The following ACTG2 variants were observed in gnomAD, a reference collection of about 807,000 sequenced individuals.
ACTG2 encodes actin gamma 2, smooth muscle.
Under a neutral mutation model 37.6 loss-of-function variants are expected in ACTG2, and 16 were observed. That is an observed-to-expected ratio of 0.43 (90% CI 0.29 to 0.65). The LOEUF is 0.65. ACTG2 is among the 30% of genes least tolerant of loss of function. The probability of loss-of-function intolerance (pLI) is 0.18; values close to 1 mark genes in which losing one functional copy is unlikely to be tolerated. For synonymous variants in ACTG2, 181 were observed against 179.9 expected (o/e 1.01, Z -0.05); for missense variants, 238 against 490.9 (o/e 0.48, Z 4.87).
intron 3 of ACTG2, 79 bp from the exon 4 acceptor site, chr2:73,908,594 C>G (rs991938718): frequency 8.2e-7 from 1 of 1,226,794 alleles, no homozygotes. Flanking sequence ...GTGCCACACT[C>G]TCCCAGCATG....
At chr2:73,908,243 A>G in intron 3 of ACTG2, 1 of 470,174 alleles carries the variant, frequency 2.1e-6, no homozygotes, top group Non-Finnish European at 4.4e-6. Flanking sequence ...GGGCCACGCC[A>G]TTGTCAGGAG....
intron 3 of ACTG2, among the ~76,000 whole-genome samples, chr2:73,907,378 C>G (rs1680038464): frequency 6.6e-6 from 1 of 152,190 alleles, no homozygotes; most frequent in South Asian, 2.1e-4. Flanking sequence ...GCCCCATGTC[C>G]CTGCTACACT....
rs202017875 is a variant in ACTG2, at chr2:73,901,260, T to C, written c.-36-16T>C. 415 of 1,495,802 alleles carry C rather than the reference T, an allele frequency of 2.8e-4. 3 individuals carry two copies. The South Asian group carries it at 3.1e-3, about 11-fold the overall frequency. 92.7% of individuals were successfully genotyped at this position (1,495,802 alleles called of 1,614,324 possible). A position where few individuals can be genotyped will look rare whatever the true frequency, so the allele number is the denominator to read the frequency against. On this transcript the variant is annotated splice_polypyrimidine_tract_variant and intron_variant, in intron 1 of 8. Coordinates refer to ENST00000345517, the MANE Select transcript of ACTG2 (RefSeq NM_001615.4). ...GACAAGTGGCTGACTAGTTCTCTTC[T>C]CCCGCAAATCCCAAGGTGCTCCAGT... is the stretch of plus-strand genomic sequence containing the variant.
At chr2:73,910,543 G>C (rs1228186482) in intron 5 of ACTG2, among the ~76,000 whole-genome samples, 2 of 140,670 alleles carry the variant, frequency 1.4e-5, no homozygotes, top group Admixed American at 1.5e-4. Context: ...CTGTCACCCA[G>C]GCTGGAGTGC....
intron 1 of ACTG2, among the ~76,000 whole-genome samples, chr2:73,895,702 A>G (rs1304424026): frequency 1.3e-5 from 2 of 152,256 alleles, no homozygotes; most frequent in Admixed American, 6.5e-5. Flanking sequence ...GATGTGTGAA[A>G]TGGATCATTC....
intron 1 of ACTG2, among the ~76,000 whole-genome samples, chr2:73,893,795 T>TC (rs906166396): frequency 6.6e-6 from 1 of 151,708 alleles, no homozygotes; most frequent in African/African-American, 2.4e-5. Flanking sequence ...ATGTCATTAC[T>TC]CCCCCCAACC....
intron 6 of ACTG2, among the ~76,000 whole-genome samples, chr2:73,914,381 A>T (rs1680207877): frequency 6.6e-6 from 1 of 152,072 alleles, no homozygotes; most frequent in African/African-American, 2.4e-5. Flanking sequence ...CAACATGGTG[A>T]AATCCTGTCT....
At chr2:73,916,268 C>T (rs1468044249) in intron 7 of ACTG2, among the ~76,000 whole-genome samples, 4 of 151,532 alleles carry the variant, frequency 2.6e-5, no homozygotes, top group African/African-American at 9.7e-5. Flanking sequence ...CCCAGCTACT[C>T]GGGAGGCTGA....
chr2:73,899,064 C>T (rs908608227), intron 1 of ACTG2, among the ~76,000 whole-genome samples: 11 of 152,094 alleles, frequency 7.2e-5, no homozygotes, highest in Non-Finnish European at 4.4e-5. Flanking sequence ...CCCACCTTGG[C>T]CTCCCAAAGT....
At chr2:73,910,661 G>C (rs1680113231) in intron 5 of ACTG2, among the ~76,000 whole-genome samples, 1 of 99,162 alleles carries the variant, frequency 1.0e-5, no homozygotes, top group Non-Finnish European at 2.4e-5. Flanking sequence ...ACCATGCCTG[G>C]CTTATTTTTG....
chr2:73,893,864 C>T (rs1018505588), intron 1 of ACTG2, among the ~76,000 whole-genome samples: 1 of 152,094 alleles, frequency 6.6e-6, no homozygotes, highest in African/African-American at 2.4e-5. Context: ...GATGAAGGGG[C>T]CACTTCTATG....
intron 6 of ACTG2, among the ~76,000 whole-genome samples, chr2:73,914,044 C>A (rs888541296): frequency 1.8e-4 from 28 of 152,142 alleles, no homozygotes; most frequent in African/African-American, 5.3e-4. Flanking sequence ...GGGAGCCTCT[C>A]TAGGTTCTGT....
chr2:73,902,295 T>C, intron 2 of ACTG2, 65 bp from the exon 3 acceptor site: 1 of 1,564,880 alleles, frequency 6.4e-7, no homozygotes, highest in Non-Finnish European at 8.7e-7. Flanking sequence ...GACCTTCCAG[T>C]GCCTGAATCC....
chr2:73,909,173 T>C (rs1218727384), intron 5 of ACTG2, 34 bp downstream of exon 5: 2 of 1,577,648 alleles, frequency 1.3e-6, no homozygotes, highest in African/African-American at 2.7e-5. Context: ...CTTTTCTGAC[T>C]TCAGGGGAGG....
chr2:73,900,692 A>G (rs1679854344), intron 1 of ACTG2, among the ~76,000 whole-genome samples: 1 of 152,206 alleles, frequency 6.6e-6, no homozygotes. Context: ...ATTGATTTTT[A>G]ATTATATAAA....
intron 1 of ACTG2, among the ~76,000 whole-genome samples, chr2:73,893,973 G>A (rs913350967): frequency 6.6e-6 from 1 of 152,178 alleles, no homozygotes; most frequent in Non-Finnish European, 1.5e-5. Flanking sequence ...CCAAGTTACT[G>A]AGCGACCTCA....
At chr2:73,904,697 T>C (rs1679970784) in intron 3 of ACTG2, among the ~76,000 whole-genome samples, 1 of 146,868 alleles carries the variant, frequency 6.8e-6, no homozygotes, top group Admixed American at 6.9e-5. Context: ...AAATATAAAA[T>C]CATTTCATTA....
In ACTG2 at chr2:73,916,594, C is replaced by T. The variant is rs183362633; in HGVS notation, c.816C>T (p.Ser272=). The change falls in exon 8 of 9, where the codon TCC becomes TCT. Residue 272 remains serine, a synonymous_variant. Coordinates refer to ENST00000345517, the MANE Select transcript of ACTG2 (RefSeq NM_001615.4). ...LFQPSFIGME[S]AGIHETTYNS... Reference sequence around the variant, plus strand: ...TGTGATCTCCACTAGGCATGGAGTCCGCTGGAATTCATGAGACAACCTACA... The same window carrying T: ...TGTGATCTCCACTAGGCATGGAGTCTGCTGGAATTCATGAGACAACCTACA... 9.3e-5 allele frequency: 150 copies of T among 1,612,892 alleles called. No homozygotes were observed. The African/African-American group carries it at 9.5e-4, about 10-fold the overall frequency.
rs1368587035 is a variant in ACTG2 at position 73,910,109 on chromosome 2, G to T, written c.451+970G>T. Among the ~76,000 whole-genome samples the T allele has an allele frequency of 2.0e-5, 3 of 151,896 alleles. No homozygotes were observed. In the East Asian group the frequency reaches 5.9e-4, roughly 30 times the overall value. ...AGGCACCTGTAATCCCAGCTACTTG[G>T]GAGGCTGAGGCAGAAGAGTCACTTG... On this transcript the variant is annotated intron_variant, in intron 5 of 8. Transcript: ENST00000345517.
Sources: allele counts gnomAD v4.1 joint callset (sites outside exome capture counted in the v4.1 genomes callset), GRCh38; gene constraint gnomAD v4.1.1; transcripts MANE v1.5; gene names NCBI Gene and HGNC (gene_info 2026-07-23, HGNC 2026-07-21).